The following MGAT5B variants were observed in gnomAD, a reference collection of about 807,000 sequenced individuals.
MGAT5B encodes the protein alpha-1,6-mannosylglycoprotein 6-beta-N-acetylglucosaminyltransferase B.
In MGAT5B, 54 loss-of-function variants were observed where a neutral mutation model predicts 95.1. The ratio of observed to expected loss-of-function variants is 0.57; its 90% CI spans 0.46 to 0.71. The LOEUF is 0.71. Ranked by LOEUF, MGAT5B falls within the 30% of genes least tolerant of loss-of-function variation. MGAT5B has a pLI of 0.00. For missense variants in MGAT5B, 935 were observed against 1,088.6 expected (o/e 0.86, Z 1.99); for synonymous variants, 464 against 451.0 (o/e 1.03, Z -0.36).
At position 76,916,110 on chromosome 17, in the gene MGAT5B, C is replaced by A. The variant is rs866508534; in HGVS notation, c.1026-8856C>A. Reference sequence around the variant, plus strand: ...GGCTGCCCTGGCCCCTGCCCTTCATCCTTCCTCGGGATCCAGGAGAGACCC... The same window carrying A: ...GGCTGCCCTGGCCCCTGCCCTTCATACTTCCTCGGGATCCAGGAGAGACCC... On this transcript the variant is annotated intron_variant, in intron 8 of 17. Coordinates refer to ENST00000569840, the MANE Select transcript of MGAT5B (RefSeq NM_001199172.2). This position sits in a 1 kb window ranked among gnomAD's most constrained non-coding sequence, Gnocchi z 5.3. Among the ~76,000 whole-genome samples, 1 of 150,914 alleles carries A rather than the reference C, an allele frequency of 6.6e-6. No individual in the cohort carries two copies. The highest frequency in any genetic ancestry group is 2.5e-5 in the African/African-American group (1 of 40,394).
In MGAT5B at chr17:76,947,987, C is replaced by G. The variant is rs549532703; in HGVS notation, c.2081C>G (p.Ala694Gly). Residue 694 changes from alanine (A) to glycine (G), a missense_variant, in exon 17 of 18, where the codon GCC (alanine) becomes GGC (glycine). By Grantham distance (60) the Ala-to-Gly change is moderately conservative (BLOSUM62 0). This residue lies in a region of MGAT5B where 440 missense variants were observed against 523.6 expected (regional missense o/e 0.84). Coordinates refer to ENST00000569840, the MANE Select transcript of MGAT5B (RefSeq NM_001199172.2). ...PPAHALRAWL[A>G]VPGRACTDTC... ...GCGCACGCCCTGCGGGCCTGGCTGG[C>G]CGTGCCTGGGAGGGCCTGCACCGAC... 3 of 1,612,152 alleles carry G rather than the reference C, an allele frequency of 1.9e-6. No homozygotes were observed. The highest frequency in any genetic ancestry group is 2.7e-5 in the African/African-American group (2 of 75,036).
chr17:76,932,604 T>C (rs758389965), intron 10 of MGAT5B, 41 bp from the exon 11 acceptor site: 2 of 1,574,498 alleles, frequency 1.3e-6, no homozygotes, highest in South Asian at 2.2e-5. Flanking sequence ...CTGCCCTTGG[T>C]TGTTTGGTGA....
intron 2 of MGAT5B, among the ~76,000 whole-genome samples, chr17:76,875,024 AT>A (rs1967135926): frequency 6.6e-6 from 1 of 152,214 alleles, no homozygotes; most frequent in African/African-American, 2.4e-5. Flanking sequence ...TGAACAATCC[AT>A]GCAACTAACA....
chr17:76,877,988 G>A (rs1180445268), intron 2 of MGAT5B, among the ~76,000 whole-genome samples: 1 of 152,168 alleles, frequency 6.6e-6, no homozygotes, highest in Non-Finnish European at 1.5e-5. Flanking sequence ...TGGAAATATG[G>A]AGGGAACGTG....
intron 3 of MGAT5B, among the ~76,000 whole-genome samples, chr17:76,884,819 G>A (rs949423369): frequency 3.3e-5 from 5 of 152,136 alleles, no homozygotes; most frequent in African/African-American, 4.8e-5. Flanking sequence ...GGCCAGGATG[G>A]TCTTGATCTC....
intron 3 of MGAT5B, among the ~76,000 whole-genome samples, chr17:76,900,288 T>G (rs1411432538): frequency 6.6e-6 from 1 of 152,246 alleles, no homozygotes; most frequent in African/African-American, 2.4e-5. Context: ...GTCTCTTCTC[T>G]TTCTTTGTAA....
intron 2 of MGAT5B, among the ~76,000 whole-genome samples, chr17:76,881,073 T>G (rs771944710): frequency 1.9e-4 from 29 of 152,050 alleles, no homozygotes; most frequent in Non-Finnish European, 4.0e-4. Context: ...AGTTGCGGAT[T>G]TTAGTGCCTG....
intron 5 of MGAT5B, among the ~76,000 whole-genome samples, chr17:76,904,046 T>C (rs1968423295): frequency 6.6e-6 from 1 of 152,226 alleles, no homozygotes; most frequent in South Asian, 2.1e-4. Context: ...ACATGAGGGC[T>C]GGTGGTCCTG....
chr17:76,919,280 C>T (rs2145224780), intron 8 of MGAT5B, among the ~76,000 whole-genome samples: 1 of 152,300 alleles, frequency 6.6e-6, no homozygotes, highest in Admixed American at 6.5e-5. Context: ...TGGATATTTA[C>T]AGAGCCCCTA....
chr17:76,920,506 T>G (rs1191912188), intron 8 of MGAT5B, among the ~76,000 whole-genome samples: 2 of 152,170 alleles, frequency 1.3e-5, no homozygotes, highest in Non-Finnish European at 2.9e-5. Context: ...GTGATAAAAC[T>G]ACAGCCTCCT....
In MGAT5B at chr17:76,869,027, A is replaced by G. The variant is rs1441841090; in HGVS notation, c.-3A>G. ...CGGCTGCTCGCACCAACAAGTTTGA[A>G]CAATGATCACCGTCAACCCCGATGG... On this transcript the variant is annotated 5_prime_UTR_variant, in exon 1 of 18. Coordinates refer to ENST00000569840, the MANE Select transcript of MGAT5B (RefSeq NM_001199172.2). This position sits in a 1 kb window ranked among gnomAD's most constrained non-coding sequence, Gnocchi z 7.0. The G allele has an allele frequency of 6.2e-6, 10 of 1,613,792 alleles. No homozygotes were observed. Among genetic ancestry groups the G allele is most frequent in the South Asian group, 1.1e-5 (1 of 91,084 alleles).
chr17:76,932,012 T>A (rs1055802430), intron 10 of MGAT5B, among the ~76,000 whole-genome samples: 2 of 151,848 alleles, frequency 1.3e-5, no homozygotes, highest in Non-Finnish European at 2.9e-5. Context: ...TTCTTCCTTC[T>A]TTCTTCTTCC....
At chr17:76,910,368 G>C (rs550736552) in intron 8 of MGAT5B, among the ~76,000 whole-genome samples, 2 of 152,370 alleles carry the variant, frequency 1.3e-5, no homozygotes, top group South Asian at 4.1e-4. Flanking sequence ...GTTAACATTT[G>C]CAGATTATGA....
At chr17:76,876,515 A>G (rs890811208) in intron 2 of MGAT5B, among the ~76,000 whole-genome samples, 10 of 152,318 alleles carry the variant, frequency 6.6e-5, no homozygotes, top group South Asian at 2.1e-4. Flanking sequence ...CAAATGGGAA[A>G]AACAATCTCT....
At chr17:76,924,003 C>T (rs910245165) in intron 8 of MGAT5B, 2 of 152,190 alleles carry the variant, frequency 1.3e-5, no homozygotes, top group East Asian at 1.9e-4. Flanking sequence ...CCGGATGCCT[C>T]GTCATCCCCT....
chr17:76,939,027 GGGGTGTGTGTGTGTGTGTGTGTGT>G (rs1969769003), intron 13 of MGAT5B, among the ~76,000 whole-genome samples: 1 of 97,236 alleles, frequency 1.0e-5, no homozygotes, highest in East Asian at 2.8e-4. Flanking sequence ...AGGCATCTTG[GGGGTGTGTGTGTGTGTGTGTGTGT>G]GTGTGTGTGT....
At chr17:76,884,576 G>A (rs1425814824) in intron 3 of MGAT5B, among the ~76,000 whole-genome samples, 2 of 151,288 alleles carry the variant, frequency 1.3e-5, no homozygotes, top group Non-Finnish European at 2.9e-5. Context: ...TGGGATTACA[G>A]GTGTGTGTGC....
intron 5 of MGAT5B, 45 bp downstream of exon 5, chr17:76,903,421 T>C: frequency 6.6e-7 from 1 of 1,523,814 alleles, no homozygotes; most frequent in East Asian, 2.3e-5. Context: ...AGCTAGGGCC[T>C]CTCTGTCTGG....
chr17:76,885,420 A>G (rs367582671), intron 3 of MGAT5B, among the ~76,000 whole-genome samples: 13 of 152,286 alleles, frequency 8.5e-5, no homozygotes, highest in African/African-American at 2.4e-4. Context: ...TGTTGAGGAT[A>G]TTGCTGCAGG....
Sources: allele counts gnomAD v4.1 joint callset (sites outside exome capture counted in the v4.1 genomes callset), GRCh38; gene constraint gnomAD v4.1.1; regional missense constraint gnomAD v4.1.1; non-coding constraint Gnocchi (gnomAD v3.1); transcripts MANE v1.5; gene names NCBI Gene and HGNC (gene_info 2026-07-23, HGNC 2026-07-21).